Variants in FAM135B observed in about 807,000 individuals in gnomAD.
FAM135B encodes protein FAM135B.
Under a neutral mutation model 127.7 loss-of-function variants are expected in FAM135B, and 43 were observed. The ratio of observed to expected loss-of-function variants is 0.34; its 90% CI spans 0.26 to 0.43. The LOEUF (loss-of-function observed/expected upper bound fraction) is 0.43, where lower values mean the gene tolerates loss of function less well. Among genes scored for constraint, FAM135B ranks in the 20% least tolerant of loss-of-function variants. FAM135B has a pLI of 1.00. For missense variants in FAM135B, 1,558 were observed against 1,725.6 expected, an observed-to-expected ratio of 0.90 and a Z score of 1.72; for synonymous variants, 670 against 665.1, an observed-to-expected ratio of 1.01 and a Z score of -0.11.
chr8:138,140,470 T>G (rs1356700140), intron 17 of FAM135B, among the ~76,000 whole-genome samples: 2 of 152,202 alleles, frequency 1.3e-5, no homozygotes, highest in Non-Finnish European at 2.9e-5. Context: ...CACCAAACCA[T>G]GTCACCTCCT....
intron 7 of FAM135B, among the ~76,000 whole-genome samples, chr8:138,231,402 C>G (rs962325218): frequency 1.3e-5 from 2 of 152,186 alleles, no homozygotes; most frequent in Admixed American, 1.3e-4. Context: ...ACACACTCAT[C>G]CTCACACCTG....
chr8:138,316,015 A>G, intron 2 of FAM135B, among the ~76,000 whole-genome samples: 1 of 152,292 alleles, frequency 6.6e-6, no homozygotes, highest in African/African-American at 2.4e-5. Flanking sequence ...CAGATTTTAG[A>G]TGTACTTACC....
intron 1 of FAM135B, among the ~76,000 whole-genome samples, chr8:138,418,822 C>A (rs1408439440): frequency 1.4e-5 from 2 of 147,554 alleles, no homozygotes; most frequent in Admixed American, 6.8e-5. Context: ...CTTTTCACAT[C>A]AGCCTTACTA....
At chr8:138,264,281 A>T (rs74801547) in intron 4 of FAM135B, among the ~76,000 whole-genome samples, 1,907 of 152,250 alleles carry the variant, frequency 0.013, 36 homozygotes, top group East Asian at 0.088. Flanking sequence ...TCCTCCAGGG[A>T]ATAATCATCT....
chr8:138,217,207 G>A (rs1158790338), intron 7 of FAM135B, among the ~76,000 whole-genome samples: 4 of 152,114 alleles, frequency 2.6e-5, no homozygotes, highest in African/African-American at 4.8e-5. Context: ...CTATATTTAT[G>A]TAAATAGTAA....
intron 10 of FAM135B, among the ~76,000 whole-genome samples, chr8:138,178,190 G>A (rs937437781): frequency 1.3e-5 from 2 of 151,866 alleles, no homozygotes; most frequent in African/African-American, 4.8e-5. Flanking sequence ...GGAGATTGCA[G>A]TGAGCGGAGA....
chr8:138,145,305 C>A (rs1435944451), intron 15 of FAM135B, among the ~76,000 whole-genome samples: 1 of 152,098 alleles, frequency 6.6e-6, no homozygotes, highest in Non-Finnish European at 1.5e-5. Context: ...TGCGAGCCAC[C>A]GCGCCCAGCC....
intron 7 of FAM135B, among the ~76,000 whole-genome samples, chr8:138,213,187 C>T (rs1563776706): frequency 6.6e-6 from 1 of 152,002 alleles, no homozygotes; most frequent in Admixed American, 6.6e-5. Context: ...AATAGAACTA[C>T]AAAAACAATA....
At chr8:138,143,505 A>G (rs1817394036) in intron 15 of FAM135B, among the ~76,000 whole-genome samples, 1 of 152,146 alleles carries the variant, frequency 6.6e-6, no homozygotes, top group Non-Finnish European at 1.5e-5. Context: ...ACAGGCCTGA[A>G]TCCAAAGGCC....
intron 12 of FAM135B, among the ~76,000 whole-genome samples, chr8:138,157,462 GAAAT>G (rs1305967069): frequency 2.0e-5 from 3 of 152,160 alleles, no homozygotes; most frequent in Non-Finnish European, 4.4e-5. Flanking sequence ...TCAGGCAGGA[GAAAT>G]AAATAAAGGG....
At chr8:138,317,101 C>T (rs994801242) in intron 2 of FAM135B, among the ~76,000 whole-genome samples, 2 of 152,156 alleles carry the variant, frequency 1.3e-5, no homozygotes, top group African/African-American at 2.4e-5. Flanking sequence ...TTTAGAGAAG[C>T]TTTATCCACA....
At chr8:138,453,933 A>G (rs1836634135) in intron 1 of FAM135B, among the ~76,000 whole-genome samples, 1 of 151,960 alleles carries the variant, frequency 6.6e-6, no homozygotes, top group Non-Finnish European at 1.5e-5. Flanking sequence ...TGCCAAACTT[A>G]CCCTCTCTTT....
At chr8:138,224,455 G>GAGACA (rs1467133236) in intron 7 of FAM135B, among the ~76,000 whole-genome samples, 1 of 151,798 alleles carries the variant, frequency 6.6e-6, no homozygotes, top group East Asian at 1.9e-4. Context: ...TATTTTTTTT[G>GAGACA]AGACAGAGTC....
At chr8:138,165,064 G>T (rs1474932758) in intron 12 of FAM135B, among the ~76,000 whole-genome samples, 1 of 152,046 alleles carries the variant, frequency 6.6e-6, no homozygotes, top group Non-Finnish European at 1.5e-5. Flanking sequence ...TGATTTTCCA[G>T]CTGATATTGC....
At chr8:138,467,050 C>T (rs1837416252) in intron 1 of FAM135B, among the ~76,000 whole-genome samples, 1 of 152,136 alleles carries the variant, frequency 6.6e-6, no homozygotes, top group Non-Finnish European at 1.5e-5. Flanking sequence ...CATCCCCTCA[C>T]TCAAAAAAAC....
At chr8:138,401,778 T>C (rs1374834544) in intron 1 of FAM135B, among the ~76,000 whole-genome samples, 2 of 152,168 alleles carry the variant, frequency 1.3e-5, no homozygotes, top group African/African-American at 4.8e-5. Flanking sequence ...GGGCAAGAAA[T>C]ACCACTCCTG....
chr8:138,285,467 A>T (rs894153655), intron 3 of FAM135B, among the ~76,000 whole-genome samples: 2 of 151,806 alleles, frequency 1.3e-5, no homozygotes, highest in African/African-American at 4.8e-5. Context: ...TGATTTTTAA[A>T]CTCTCTGAGA....
chr8:138,135,353 T>C (rs1160088842), intron 19 of FAM135B, among the ~76,000 whole-genome samples: 1 of 152,196 alleles, frequency 6.6e-6, no homozygotes, highest in African/African-American at 2.4e-5. Flanking sequence ...AAGTCTGAAC[T>C]GAAAACCAGA....
chr8:138,180,609 T>C (rs918589763), intron 9 of FAM135B, among the ~76,000 whole-genome samples: 1 of 152,138 alleles, frequency 6.6e-6, no homozygotes, highest in Middle Eastern at 3.2e-3. Flanking sequence ...TAGAGACCAA[T>C]TGGGTAAAGT....
Sources: gnomAD v4.1 joint callset for allele counts (sites outside exome capture counted in the v4.1 genomes callset) on GRCh38, gnomAD v4.1.1 for gene constraint, MANE v1.5 for transcripts, NCBI Gene and HGNC (gene_info 2026-07-23, HGNC 2026-07-21) for gene names.